Variants in LRFN5 observed in about 807,000 individuals in gnomAD.
LRFN5 encodes the protein leucine rich repeat and fibronectin type III domain containing 5.
A neutral mutation model predicts 45.6 loss-of-function variants in LRFN5; 24 were observed. The observed-to-expected ratio is 0.53, with a 90% CI of 0.38 to 0.74. The LOEUF (loss-of-function observed/expected upper bound fraction) is 0.74. Ranked by LOEUF, LRFN5 falls within the 30% of genes least tolerant of loss-of-function variation. The probability of loss-of-function intolerance (pLI) is 0.00; values close to 1 mark genes in which losing one functional copy is unlikely to be tolerated. For synonymous variants in LRFN5, 340 were observed against 313.8 expected (o/e 1.08, Z -0.88); for missense variants, 776 against 861.5 (o/e 0.90, Z 1.24).
intron 2 of LRFN5, among the ~76,000 whole-genome samples, chr14:41,880,450 A>T (rs1011568201): frequency 6.6e-6 from 1 of 152,072 alleles, no homozygotes; most frequent in Non-Finnish European, 1.5e-5. Context: ...TAACAATTCA[A>T]ATACACTATT....
At chr14:41,848,981 G>A (rs1246062086) in intron 2 of LRFN5, among the ~76,000 whole-genome samples, 2 of 151,872 alleles carry the variant, frequency 1.3e-5, no homozygotes, top group East Asian at 1.9e-4. Context: ...TTTACAGTAG[G>A]TCCCTCTCAG....
intron 2 of LRFN5, among the ~76,000 whole-genome samples, chr14:41,841,703 C>T (rs927956735): frequency 1.5e-4 from 22 of 151,702 alleles, no homozygotes; most frequent in African/African-American, 5.1e-4. Flanking sequence ...GATTTGTACA[C>T]TCATTTTTTA....
At chr14:41,795,017 C>T (rs979267240) in intron 2 of LRFN5, among the ~76,000 whole-genome samples, 3 of 147,010 alleles carry the variant, frequency 2.0e-5, no homozygotes, top group Admixed American at 1.4e-4. Context: ...TGCATACACA[C>T]ATATGTTTGG....
intron 2 of LRFN5, among the ~76,000 whole-genome samples, chr14:41,833,114 A>C (rs1490248969): frequency 6.6e-6 from 1 of 152,182 alleles, no homozygotes; most frequent in Non-Finnish European, 1.5e-5. Flanking sequence ...CCATTCAGTA[A>C]TTTCTCTAGA....
chr14:41,719,955 A>G (rs774651040), intron 1 of LRFN5, among the ~76,000 whole-genome samples: 3 of 152,018 alleles, frequency 2.0e-5, no homozygotes, highest in Non-Finnish European at 4.4e-5. Flanking sequence ...TTTTCTCTGT[A>G]TGTACTGATT....
intron 2 of LRFN5, among the ~76,000 whole-genome samples, chr14:41,862,714 G>T (rs902848938): frequency 1.3e-5 from 2 of 151,860 alleles, no homozygotes; most frequent in Admixed American, 1.3e-4. Context: ...TTTTTATGAG[G>T]GGTCATTGGT....
At chr14:41,844,058 T>C (rs1326684616) in intron 2 of LRFN5, among the ~76,000 whole-genome samples, 1 of 152,188 alleles carries the variant, frequency 6.6e-6, no homozygotes, top group African/African-American at 2.4e-5. Context: ...AACAAACTCA[T>C]GAACAATTTT....
intron 2 of LRFN5, among the ~76,000 whole-genome samples, chr14:41,815,132 C>T (rs947807896): frequency 1.3e-5 from 2 of 152,148 alleles, no homozygotes; most frequent in Admixed American, 1.3e-4. Flanking sequence ...TTCTGATAAA[C>T]AGGTGTTGAA....
intron 1 of LRFN5, among the ~76,000 whole-genome samples, chr14:41,692,786 T>C (rs1458282289): frequency 1.3e-5 from 2 of 152,206 alleles, no homozygotes; most frequent in African/African-American, 4.8e-5. Context: ...GTTTTTTGTC[T>C]TCTCTTTAAG....
chr14:41,862,108 T>A (rs1431961531), intron 2 of LRFN5, among the ~76,000 whole-genome samples: 1 of 152,216 alleles, frequency 6.6e-6, no homozygotes, highest in African/African-American at 2.4e-5. Flanking sequence ...CACAGTGTTT[T>A]CTGAGACCTC....
chr14:41,666,030 C>A (rs1880882288), intron 1 of LRFN5, among the ~76,000 whole-genome samples: 2 of 151,914 alleles, frequency 1.3e-5, no homozygotes, highest in Admixed American at 1.3e-4. Flanking sequence ...AAGACAGTTT[C>A]TTTCAGAGAC....
At chr14:41,776,571 A>T (rs1886300682) in intron 2 of LRFN5, among the ~76,000 whole-genome samples, 2 of 152,116 alleles carry the variant, frequency 1.3e-5, no homozygotes, top group South Asian at 4.1e-4. Flanking sequence ...ATACTTAATA[A>T]CTTGTCTTTA....
At chr14:41,751,548 A>G (rs1885131771) in intron 1 of LRFN5, among the ~76,000 whole-genome samples, 1 of 152,130 alleles carries the variant, frequency 6.6e-6, no homozygotes, top group African/African-American at 2.4e-5. Flanking sequence ...CACATTATAA[A>G]GTCACTGGTG....
At chr14:41,863,050 G>A (rs949837778) in intron 2 of LRFN5, among the ~76,000 whole-genome samples, 3 of 151,754 alleles carry the variant, frequency 2.0e-5, no homozygotes, top group African/African-American at 7.3e-5. Flanking sequence ...ATTTTTTAGT[G>A]AGACGGAGTT....
chr14:41,846,673 T>C (rs1027740285), intron 2 of LRFN5, among the ~76,000 whole-genome samples: 2 of 152,206 alleles, frequency 1.3e-5, no homozygotes, highest in Non-Finnish European at 2.9e-5. Flanking sequence ...TTCTGTAGCA[T>C]AGAAGTCTGC....
intron 1 of LRFN5, among the ~76,000 whole-genome samples, chr14:41,671,483 C>T (rs1304943435): frequency 6.6e-6 from 1 of 152,044 alleles, no homozygotes; most frequent in East Asian, 1.9e-4. Context: ...TTTGCAGTAC[C>T]ACTTTGAACA....
chr14:41,816,588 A>T (rs1887926880), intron 2 of LRFN5, among the ~76,000 whole-genome samples: 2 of 152,020 alleles, frequency 1.3e-5, no homozygotes, highest in South Asian at 4.1e-4. Context: ...TCAACACTAT[A>T]CATATTTCTC....
At chr14:41,630,827 G>C (rs1888507365) in intron 1 of LRFN5, among the ~76,000 whole-genome samples, 1 of 152,056 alleles carries the variant, frequency 6.6e-6, no homozygotes, top group East Asian at 1.9e-4. Flanking sequence ...ATTTATATTA[G>C]TTCTTTATCG....
At chr14:41,728,950 T>C (rs61990346) in intron 1 of LRFN5, among the ~76,000 whole-genome samples, 32,187 of 151,940 alleles carry the variant, frequency 0.21, 3,445 homozygotes, top group Non-Finnish European at 0.23. Context: ...TTTAAAAACG[T>C]CCCTTCAGCT....
Sources: gnomAD v4.1 joint callset for allele counts (sites outside exome capture counted in the v4.1 genomes callset) on GRCh38, gnomAD v4.1.1 for gene constraint, MANE v1.5 for transcripts, NCBI Gene and HGNC (gene_info 2026-07-23, HGNC 2026-07-21) for gene names.